The following ABCC8 variants were observed in gnomAD, a reference collection of about 807,000 sequenced individuals.
ABCC8 encodes the protein ATP binding cassette subfamily C member 8.
In ABCC8, 137 loss-of-function variants were observed where a neutral mutation model predicts 188.0. The ratio of observed to expected loss-of-function variants is 0.73; its 90% CI spans 0.63 to 0.84. The LOEUF is 0.84. Ranked by LOEUF, ABCC8 falls within the 40% of genes least tolerant of loss-of-function variation. The pLI, the probability that ABCC8 is intolerant of heterozygous loss-of-function variation, is 0.00. For synonymous variants in ABCC8, 797 were observed against 846.5 expected (o/e 0.94, Z 1.01); for missense variants, 1,750 against 2,072.7 (o/e 0.84, Z 3.02).
chr11:17,415,407 G>C, intron 17 of ABCC8, 68 bp from the exon 18 acceptor site: 1 of 1,575,816 alleles, frequency 6.3e-7, no homozygotes, highest in Non-Finnish European at 8.6e-7. Context: ...GGAAGATCCT[G>C]AGCTCCCTCC....
rs1449194962 is a variant in ABCC8, at chr11:17,428,399, T to C, written c.1930A>G (p.Arg644Gly). The C allele has an allele frequency of 6.2e-7, 1 of 1,612,998 alleles. No individual in the cohort carries two copies. Among genetic ancestry groups the C allele is most frequent in the Non-Finnish European group, 8.5e-7 (1 of 1,179,166 alleles). ...GCTGGACGCTTGCGGTTCACAACCC[T>C]GAGGGGCTGGGGGTGGTTTGGAGGT... Reference protein sequence around the residue: ...PASKYQAVPLRVVNRKRPARE... With the variant: ...PASKYQAVPLGVVNRKRPARE... The change falls in exon 14 of 39, where the codon AGG (arginine) becomes GGG (glycine). Residue 644 changes from arginine (R) to glycine (G), a missense_variant. Coordinates refer to ENST00000389817, the MANE Select transcript of ABCC8 (RefSeq NM_000352.6).
chr11:17,407,041 G>C lies in ABCC8; in HGVS notation c.3009C>G (p.Tyr1003Ter). 1 of 1,614,164 alleles carries C rather than the reference G, an allele frequency of 6.2e-7. No individual in the cohort carries two copies. The highest frequency in any genetic ancestry group is 8.5e-7 in the Non-Finnish European group (1 of 1,180,058). ...AEIPWRACAKYLSSAGILLLS... is the reference protein window; with the variant it reads ...AEIPWRACAK ...GGAGCAGGATGCCGGCGGAGGACAG[G>C]TACTTGGCGCAGGCTCGCCATGGGA... Residue 1003 changes from tyrosine to a stop codon, truncating the protein, a stop_gained, in exon 25 of 39, where the codon TAC (tyrosine) becomes TAG (stop). Transcript: ENST00000389817. LOFTEE classifies it high-confidence loss of function.
intron 7 of ABCC8, among the ~76,000 whole-genome samples, chr11:17,452,050 A>C (rs538277177): frequency 1.4e-4 from 22 of 152,358 alleles, no homozygotes; most frequent in African/African-American, 5.3e-4. Flanking sequence ...CTCCTGTGTC[A>C]GCCCTGACTC....
At chr11:17,463,911 C>T (rs923137344) in intron 3 of ABCC8, among the ~76,000 whole-genome samples, 1 of 152,212 alleles carries the variant, frequency 6.6e-6, no homozygotes, top group Admixed American at 6.5e-5. Context: ...AACTAAGTTA[C>T]AGGCACTGTG....
At chr11:17,461,852 T>C in intron 4 of ABCC8, 27 bp from the exon 5 acceptor site, 1 of 1,613,000 alleles carries the variant, frequency 6.2e-7, no homozygotes, top group Non-Finnish European at 8.5e-7. Context: ...CCATGGGGGA[T>C]GGGTAAGTCC....
chr11:17,447,709 T>G (rs934078266), intron 8 of ABCC8, among the ~76,000 whole-genome samples: 1 of 152,166 alleles, frequency 6.6e-6, no homozygotes, highest in Admixed American at 6.5e-5. Flanking sequence ...TAGGTAATCT[T>G]CCCACCTCAG....
chr11:17,404,385 T>G lies in ABCC8; in HGVS notation c.3557+127A>C. The G allele has an allele frequency of 5.0e-6, 5 of 995,244 alleles. No homozygotes were observed. The highest frequency in any genetic ancestry group is 8.0e-6 in the Non-Finnish European group (5 of 624,662). 61.7% of individuals were successfully genotyped at this position (995,244 alleles called of 1,614,324 possible). On this transcript the variant is annotated intron_variant, in intron 28 of 38. Coordinates refer to ENST00000389817, the MANE Select transcript of ABCC8 (RefSeq NM_000352.6). This position sits in a 1 kb window ranked among gnomAD's most constrained non-coding sequence, Gnocchi z 4.7. ...GATGTGGATATTTCTATTTCCTTCA[T>G]TTCTGTTTTTTGTTTTTATTTTTTG...
intron 10 of ABCC8, among the ~76,000 whole-genome samples, chr11:17,435,496 AC>A (rs1418496375): frequency 6.6e-6 from 1 of 152,176 alleles, no homozygotes; most frequent in Non-Finnish European, 1.5e-5. Context: ...AGAAAACTAG[AC>A]CCTTTTCCAC....
chr11:17,393,101 C>T lies in ABCC8; in HGVS notation c.4636G>A (p.Asp1546Asn). The change falls in exon 39 of 39, where the codon GAC becomes AAC. Residue 1546 changes from aspartate to asparagine, a missense_variant. Asp to Asn is a conservative substitution (Grantham distance 23). Transcript: ENST00000389817. Reference protein sequence around the residue: ...AHRVHTILSADLVIVLKRGAI... With the variant: ...AHRVHTILSANLVIVLKRGAI... ...CCCCGCTTCAGGACGATCACCAGGT[C>T]TGCACTCAGGATGGTGTGCACTCGA... 6.2e-7 allele frequency: 1 copy of T among 1,613,896 alleles called. No individual in the cohort carries two copies. The highest frequency in any genetic ancestry group is 8.5e-7 in the Non-Finnish European group (1 of 1,179,984).
At chr11:17,406,511 C>G in intron 26 of ABCC8, 111 bp downstream of exon 26, 1 of 1,192,934 alleles carries the variant, frequency 8.4e-7, no homozygotes. Flanking sequence ...CCTTGAGTCA[C>G]CCCCACAAGC....
intron 10 of ABCC8, chr11:17,435,934 G>C: frequency 1.3e-6 from 2 of 1,539,182 alleles, no homozygotes; most frequent in Non-Finnish European, 1.8e-6. Context: ...GCCAAAAAGA[G>C]AGACCCCTGC....
intron 19 of ABCC8, among the ~76,000 whole-genome samples, chr11:17,414,264 A>C (rs1954956049): frequency 6.6e-6 from 1 of 152,160 alleles, no homozygotes; most frequent in Non-Finnish European, 1.5e-5. Context: ...AGCTAGAGAA[A>C]AGGCAGCGGG....
Position 17,407,024 on chromosome 11 carries a change from A to G in ABCC8, c.3026T>C (p.Ile1009Thr). ...ACAKYLSSAG[I>T]LLLSLLVFSQ... The stretch of plus-strand genomic sequence containing the variant: ...GAAGACCAGCAACGACAGGAGCAGG[A>G]TGCCGGCGGAGGACAGGTACTTGGC... The change falls in exon 25 of 39, where the codon ATC becomes ACC. Residue 1009 changes from isoleucine to threonine, a missense_variant. By Grantham distance (89) the Ile-to-Thr change is moderately conservative. Transcript: ENST00000389817. 5.0e-6 allele frequency: 8 copies of G among 1,614,210 alleles called. No individual in the cohort carries two copies. Among genetic ancestry groups the G allele is most frequent in the Non-Finnish European group, 5.9e-6 (7 of 1,180,056 alleles).
intron 1 of ABCC8, 94 bp downstream of exon 1, chr11:17,476,535 C>G: frequency 6.7e-7 from 1 of 1,487,368 alleles, no homozygotes; most frequent in Non-Finnish European, 9.1e-7. Context: ...CGGTCGCGGG[C>G]CGGAAGGGGA....
intron 1 of ABCC8, among the ~76,000 whole-genome samples, chr11:17,475,895 G>A (rs1033513590): frequency 1.3e-5 from 2 of 152,210 alleles, no homozygotes; most frequent in African/African-American, 4.8e-5. Context: ...AGAGAGATGG[G>A]GGGGACCTCA....
chr11:17,433,099 T>C (rs1010102052), intron 10 of ABCC8, among the ~76,000 whole-genome samples: 5 of 152,158 alleles, frequency 3.3e-5, no homozygotes, highest in African/African-American at 1.2e-4. Flanking sequence ...GCTACTAGCT[T>C]AGCCCTGCTC....
chr11:17,396,372 A>G, intron 33 of ABCC8: 1 of 334,308 alleles, frequency 3.0e-6, no homozygotes, highest in Non-Finnish European at 5.8e-6. Context: ...CAGAAATTAC[A>G]ATACGGAGAC....
At chr11:17,407,612 AT>A (rs1230024905) in intron 23 of ABCC8, 159 bp from the exon 24 acceptor site, 1 of 832,826 alleles carries the variant, frequency 1.2e-6, no homozygotes, top group East Asian at 1.2e-4. Flanking sequence ...TCTTGCCAGG[AT>A]TTAGTCCTTC....
In ABCC8 at chr11:17,394,416, G is replaced by C. The variant is rs1953797418; in HGVS notation, c.4412-17C>G. The C allele has an allele frequency of 6.2e-7, 1 of 1,614,182 alleles. No individual in the cohort carries two copies. Among genetic ancestry groups the C allele is most frequent in the Non-Finnish European group, 8.5e-7 (1 of 1,180,048 alleles). ...TGATGGCATCTGAAAACAGCCCGGG[G>C]AGATGAAGTAGGACTGAGTTAATCT... On this transcript the variant is annotated splice_polypyrimidine_tract_variant and intron_variant, in intron 36 of 38. Transcript: ENST00000389817.
Sources: allele counts gnomAD v4.1 joint callset (sites outside exome capture counted in the v4.1 genomes callset), GRCh38; gene constraint gnomAD v4.1.1; non-coding constraint Gnocchi (gnomAD v3.1); transcripts MANE v1.5; gene names NCBI Gene and HGNC (gene_info 2026-07-23, HGNC 2026-07-21).